Variants in RBFOX1 observed in about 807,000 individuals in gnomAD.
RBFOX1 encodes RNA binding fox-1 homolog 1, also known as RNA binding protein fox-1 homolog 1.
In RBFOX1, 8 loss-of-function variants were observed where a neutral mutation model predicts 57.7. The observed-to-expected ratio is 0.14, with a 90% CI of 0.08 to 0.25. The LOEUF (loss-of-function observed/expected upper bound fraction) is 0.25, where lower values mean the gene tolerates loss of function less well. Ranked by LOEUF, RBFOX1 falls within the 10% of genes least tolerant of loss-of-function variation. The probability of loss-of-function intolerance (pLI) is 1.00; values close to 1 mark genes in which losing one functional copy is unlikely to be tolerated. For synonymous variants in RBFOX1, 326 were observed against 222.4 expected, an observed-to-expected ratio of 1.47 and a Z score of -4.15; for missense variants, 611 against 548.5, an observed-to-expected ratio of 1.11 and a Z score of -1.14.
intron 2 of RBFOX1, among the ~76,000 whole-genome samples, chr16:6,596,524 C>A (rs770810137): frequency 1.2e-4 from 17 of 145,000 alleles, no homozygotes; most frequent in Non-Finnish European, 8.8e-5. Context: ...CTCCTGTGTT[C>A]CTGGCATTTT....
intron 1 of RBFOX1, among the ~76,000 whole-genome samples, chr16:6,229,131 A>C (rs1212277085): frequency 6.6e-6 from 1 of 152,170 alleles, no homozygotes; most frequent in African/African-American, 2.4e-5. Flanking sequence ...AGACGTAGTT[A>C]AGATAAATGA....
chr16:6,665,626 CAAAA>C (rs71406390), intron 3 of RBFOX1, among the ~76,000 whole-genome samples: 2 of 101,460 alleles, frequency 2.0e-5, no homozygotes, highest in East Asian at 5.5e-4. Context: ...ACTCCATCTC[CAAAA>C]AAAAAAAAAG....
intron 1 of RBFOX1, among the ~76,000 whole-genome samples, chr16:6,312,701 CT>C (rs1567912150): frequency 8.5e-5 from 12 of 141,418 alleles, no homozygotes; most frequent in African/African-American, 2.9e-4. Context: ...TCCTTCCTTC[CT>C]TCCTTCCTTC....
chr16:6,572,396 C>T (rs1168263964), intron 2 of RBFOX1, among the ~76,000 whole-genome samples: 1 of 152,140 alleles, frequency 6.6e-6, no homozygotes, highest in African/African-American at 2.4e-5. Context: ...AATCTACTTA[C>T]AGGATCAAAA....
At chr16:7,516,627 A>G (rs2076415357) in intron 4 of RBFOX1, among the ~76,000 whole-genome samples, 1 of 152,236 alleles carries the variant, frequency 6.6e-6, no homozygotes, top group South Asian at 2.1e-4. Context: ...AGAAAGAGAA[A>G]GAAATGCTCG....
intron 4 of RBFOX1, among the ~76,000 whole-genome samples, chr16:5,914,075 C>A (rs1214856720): frequency 6.6e-6 from 1 of 152,206 alleles, no homozygotes; most frequent in East Asian, 1.9e-4. Flanking sequence ...CCACAACTTT[C>A]ATGAGATGTC....
At chr16:6,057,246 C>T (rs1025640641) in intron 1 of RBFOX1, 4 of 151,946 alleles carry the variant, frequency 2.6e-5, no homozygotes, top group African/African-American at 9.7e-5. Flanking sequence ...CCTCTAAATG[C>T]AGCTCATTCA....
chr16:6,608,185 A>G (rs1451286774), intron 2 of RBFOX1, among the ~76,000 whole-genome samples: 1 of 152,156 alleles, frequency 6.6e-6, no homozygotes, highest in Non-Finnish European at 1.5e-5. Context: ...TTGAGTCTGT[A>G]TCCTTGGTAT....
chr16:6,235,340 C>T (rs927972188), intron 1 of RBFOX1, among the ~76,000 whole-genome samples: 2 of 152,086 alleles, frequency 1.3e-5, no homozygotes, highest in Non-Finnish European at 1.5e-5. Flanking sequence ...AAAGTCCAAG[C>T]AGGTAGGATT....
intron 3 of RBFOX1, among the ~76,000 whole-genome samples, chr16:5,665,252 A>G (rs2151399762): frequency 6.6e-6 from 1 of 151,914 alleles, no homozygotes; most frequent in South Asian, 2.1e-4. Context: ...CTTCTGGCCA[A>G]CCTCTTTTCT....
intron 2 of RBFOX1, among the ~76,000 whole-genome samples, chr16:5,568,898 T>A (rs2046169503): frequency 6.6e-6 from 1 of 152,180 alleles, no homozygotes; most frequent in Non-Finnish European, 1.5e-5. Context: ...TGGAGTGCAG[T>A]GACGCGATCT....
At chr16:7,097,695 G>C (rs931916307) in intron 4 of RBFOX1, among the ~76,000 whole-genome samples, 2 of 152,112 alleles carry the variant, frequency 1.3e-5, no homozygotes, top group Non-Finnish European at 2.9e-5. Context: ...AAAGAAACCT[G>C]CTCCCCAAAC....
chr16:7,107,085 T>A (rs543345283), intron 4 of RBFOX1, among the ~76,000 whole-genome samples: 1 of 151,990 alleles, frequency 6.6e-6, no homozygotes, highest in Non-Finnish European at 1.5e-5. Flanking sequence ...GAACTGATAT[T>A]TAAGCCTGTT....
At chr16:7,315,862 C>T (rs1354869816) in intron 4 of RBFOX1, among the ~76,000 whole-genome samples, 1 of 152,154 alleles carries the variant, frequency 6.6e-6, no homozygotes, top group Non-Finnish European at 1.5e-5. Flanking sequence ...CAGTCAACAT[C>T]TGCTCTATTG....
intron 3 of RBFOX1, among the ~76,000 whole-genome samples, chr16:6,667,242 A>G (rs1603276570): frequency 6.6e-6 from 1 of 152,274 alleles, no homozygotes; most frequent in African/African-American, 2.4e-5. Context: ...CACCCTCAGC[A>G]GTGCCATGGA....
chr16:6,555,943 G>C lies in RBFOX1; in HGVS notation c.-63-98660G>C, dbSNP rs191593484. ...TAGGCATTCGGAATATAGGAGGATC[G>C]ACTCTATTCTGGCATTATTGGATGA... On this transcript the variant is annotated intron_variant, in intron 2 of 15. Coordinates refer to ENST00000550418, the MANE Select transcript of RBFOX1 (RefSeq NM_018723.4). Among the ~76,000 whole-genome samples, 97 of 152,226 alleles carry C rather than the reference G, an allele frequency of 6.4e-4. 2 individuals are homozygous for C. Among genetic ancestry groups the C allele is most frequent in the Admixed American group, 4.0e-3 (61 of 15,278 alleles).
At chr16:5,786,344 TG>T (rs2054499853) in intron 3 of RBFOX1, among the ~76,000 whole-genome samples, 1 of 152,152 alleles carries the variant, frequency 6.6e-6, no homozygotes, top group Admixed American at 6.6e-5. Context: ...CCCTTCCAGC[TG>T]TCCCTTGATA....
chr16:7,143,161 G>A (rs1325584020), intron 4 of RBFOX1, among the ~76,000 whole-genome samples: 3 of 151,868 alleles, frequency 2.0e-5, no homozygotes, highest in Non-Finnish European at 4.4e-5. Flanking sequence ...CGTGTTTTTT[G>A]GTGTAAGTGA....
chr16:7,273,172 C>CCCTGCCTTCCTT (rs2095364678), intron 4 of RBFOX1, among the ~76,000 whole-genome samples: 2 of 95,728 alleles, frequency 2.1e-5, no homozygotes, highest in Non-Finnish European at 4.2e-5. Flanking sequence ...TTTCCTCTCT[C>CCCTGCCTTCCTT]CCTCCCTTCC....
Sources: gnomAD v4.1 joint callset for allele counts (sites outside exome capture counted in the v4.1 genomes callset) on GRCh38, gnomAD v4.1.1 for gene constraint, MANE v1.5 for transcripts, NCBI Gene and HGNC (gene_info 2026-07-23, HGNC 2026-07-21) for gene names.